Variants in PON3 observed in about 807,000 individuals in gnomAD.
PON3 encodes paraoxonase 3.
Under a neutral mutation model 36.3 loss-of-function variants are expected in PON3, and 37 were observed. That is an observed-to-expected ratio of 1.02 (90% CI 0.78 to 1.34). The LOEUF (loss-of-function observed/expected upper bound fraction) is 1.34. Among genes scored for constraint, PON3 ranks in the 40% most tolerant of loss-of-function variants. The probability of loss-of-function intolerance (pLI) is 0.00; values close to 1 mark genes in which losing one functional copy is unlikely to be tolerated. For missense variants in PON3, 415 were observed against 426.5 expected (o/e 0.97, Z 0.24); for synonymous variants, 155 against 154.8 (o/e 1.00, Z -0.01).
intron 3 of PON3, among the ~76,000 whole-genome samples, chr7:95,378,356 C>G (rs1808967612): frequency 6.6e-6 from 1 of 152,124 alleles, no homozygotes; most frequent in Non-Finnish European, 1.5e-5. Context: ...GAGAACTTCC[C>G]CAACCTAGCA....
At chr7:95,385,195 G>A (rs1809160553) in intron 3 of PON3, among the ~76,000 whole-genome samples, 1 of 152,042 alleles carries the variant, frequency 6.6e-6, no homozygotes, top group Admixed American at 6.6e-5. Flanking sequence ...ACACACTGGG[G>A]CCTGTTGTGG....
rs1808532984 is a variant in PON3 at position 95,360,094 on chromosome 7, C to A, written c.944G>T (p.Arg315Met). 1 of 1,613,886 alleles carries A rather than the reference C, an allele frequency of 6.2e-7. No individual in the cohort carries two copies. Among genetic ancestry groups the A allele is most frequent in the Non-Finnish European group, 8.5e-7 (1 of 1,179,792 alleles). The change falls in exon 9 of 9, where the codon AGG (arginine) becomes ATG (methionine). Residue 315 changes from arginine (R) to methionine (M), a missense_variant. Physicochemically the swap from Arg to Met is moderately conservative, Grantham distance 91. Transcript: ENST00000265627. ...RIQNVLSEKP[R>M]VSTVYANNGS... ...ATTGTTGGCATACACGGTGCTCACC[C>A]TGGGCTTCTCAGACAAAACATTCTG...
At chr7:95,382,517 G>A (rs1809083658) in intron 3 of PON3, among the ~76,000 whole-genome samples, 1 of 151,902 alleles carries the variant, frequency 6.6e-6, no homozygotes, top group South Asian at 2.1e-4. Flanking sequence ...ATGATAAAGG[G>A]GATATCACCA....
At chr7:95,366,367 T>C (rs770639378) in intron 5 of PON3, among the ~76,000 whole-genome samples, 1 of 152,218 alleles carries the variant, frequency 6.6e-6, no homozygotes, top group African/African-American at 2.4e-5. Flanking sequence ...CAGAACCCCA[T>C]ACGGTGCATT....
In PON3 at chr7:95,396,305, A is replaced by T; in HGVS notation, c.46T>A (p.Leu16Ile). ...AACGCCAGGAACATCTCCCCGACTA[A>T]GGACAGGCCGACCCCCAGCAGGACC... Reference protein sequence around the residue: ...ALVLLGVGLSLVGEMFLAFRE... With the variant: ...ALVLLGVGLSIVGEMFLAFRE... The change falls in exon 1 of 9, where the codon TTA becomes ATA. Residue 16 changes from leucine (L) to isoleucine (I), a missense_variant. Physicochemically the swap from Leu to Ile is conservative, Grantham distance 5. Coordinates refer to ENST00000265627, the MANE Select transcript of PON3 (RefSeq NM_000940.3). 6.2e-7 allele frequency: 1 copy of T among 1,613,964 alleles called. No individual in the cohort carries two copies. Among genetic ancestry groups the T allele is most frequent in the Non-Finnish European group, 8.5e-7 (1 of 1,179,948 alleles).
chr7:95,363,025 C>T (rs1300382838), intron 6 of PON3, among the ~76,000 whole-genome samples, 184 bp from the exon 7 acceptor site: 3 of 152,022 alleles, frequency 2.0e-5, no homozygotes, highest in Non-Finnish European at 4.4e-5. Context: ...TTTAAACAGG[C>T]TTTGAATATG....
At chr7:95,391,308 G>A (rs546640523) in intron 2 of PON3, among the ~76,000 whole-genome samples, 12 of 152,284 alleles carry the variant, frequency 7.9e-5, no homozygotes, top group South Asian at 4.1e-4. Context: ...GAGAAGATAC[G>A]TAGGTATTAA....
chr7:95,384,171 A>T (rs538973660), intron 3 of PON3, among the ~76,000 whole-genome samples: 3 of 152,354 alleles, frequency 2.0e-5, no homozygotes, highest in South Asian at 2.1e-4. Flanking sequence ...CCAAAACTGG[A>T]TCCCTTCCTC....
rs373892054 is a variant in PON3, at chr7:95,396,359, G to T, written c.-9C>A. ...GCCACGAGCTTCCCCATGGTCTCGG[G>T]GTGCCCAGCGGCGACTGCGCGGCGC... On this transcript the variant is annotated 5_prime_UTR_variant, in exon 1 of 9. Transcript: ENST00000265627. The T allele has an allele frequency of 2.4e-5, 39 of 1,613,474 alleles. No individual in the cohort carries two copies. In the African/African-American group the frequency reaches 4.8e-4, roughly 20 times the overall value.
intron 3 of PON3, among the ~76,000 whole-genome samples, chr7:95,379,782 G>A (rs1319638142): frequency 6.6e-6 from 1 of 152,238 alleles, no homozygotes; most frequent in Non-Finnish European, 1.5e-5. Context: ...TGGGGGCAGG[G>A]CATAGCCGAA....
intron 8 of PON3, among the ~76,000 whole-genome samples, chr7:95,361,100 C>A (rs17881059): frequency 0.018 from 2,679 of 152,114 alleles, 69 homozygotes; most frequent in African/African-American, 0.061. Context: ...TGTGGTTGGG[C>A]TTTTAAAGGA....
chr7:95,370,221 C>G (rs1324478711), intron 4 of PON3, among the ~76,000 whole-genome samples: 1 of 152,056 alleles, frequency 6.6e-6, no homozygotes, highest in African/African-American at 2.4e-5. Flanking sequence ...AAAAGAAATC[C>G]TTACTATGAC....
intron 3 of PON3, among the ~76,000 whole-genome samples, chr7:95,388,046 G>A (rs1809237059): frequency 6.6e-6 from 1 of 150,930 alleles, no homozygotes; most frequent in African/African-American, 2.5e-5. Context: ...GAAAACCTAG[G>A]CAATAACACT....
intron 3 of PON3, among the ~76,000 whole-genome samples, chr7:95,382,914 G>A (rs528242544): frequency 6.6e-6 from 1 of 152,114 alleles, no homozygotes; most frequent in Non-Finnish European, 1.5e-5. Flanking sequence ...GAGAATTTTA[G>A]GCCAATATTC....
chr7:95,381,389 T>G (rs1294670004), intron 3 of PON3, among the ~76,000 whole-genome samples: 2 of 152,134 alleles, frequency 1.3e-5, no homozygotes, highest in Non-Finnish European at 2.9e-5. Flanking sequence ...AATGCTCCAA[T>G]TAAAAGACAC....
intron 3 of PON3, among the ~76,000 whole-genome samples, chr7:95,389,097 A>T (rs1809262839): frequency 6.6e-6 from 1 of 152,224 alleles, no homozygotes; most frequent in South Asian, 2.1e-4. Context: ...AATAAAAAAA[A>T]ATCTAAACTG....
At chr7:95,370,473 C>G (rs572666876) in intron 4 of PON3, among the ~76,000 whole-genome samples, 1 of 152,150 alleles carries the variant, frequency 6.6e-6, no homozygotes, top group African/African-American at 2.4e-5. Context: ...AGTAAAGACA[C>G]CATTATATAT....
At chr7:95,369,186 T>A (rs1808758235) in intron 4 of PON3, among the ~76,000 whole-genome samples, 1 of 152,188 alleles carries the variant, frequency 6.6e-6, no homozygotes, top group South Asian at 2.1e-4. Context: ...GGTTCGTTTA[T>A]TTATTCATTT....
intron 2 of PON3, among the ~76,000 whole-genome samples, chr7:95,392,406 G>A (rs1044946940): frequency 1.3e-5 from 2 of 152,068 alleles, no homozygotes; most frequent in African/African-American, 2.4e-5. Context: ...GATACAATTC[G>A]AGTCAGACTA....
Sources: gnomAD v4.1 joint callset for allele counts (sites outside exome capture counted in the v4.1 genomes callset) on GRCh38, gnomAD v4.1.1 for gene constraint, MANE v1.5 for transcripts, NCBI Gene and HGNC (gene_info 2026-07-23, HGNC 2026-07-21) for gene names.